ENOX1: variants seen among roughly 807,000 people sequenced by gnomAD.
ENOX1 encodes candidate growth-related and time keeping constitutive hydroquinone (NADH) oxidase.
Under a neutral mutation model 82.5 loss-of-function variants are expected in ENOX1, and 42 were observed. That is an observed-to-expected ratio of 0.51 (90% CI 0.40 to 0.66). ENOX1 has a LOEUF of 0.66. Ranked by LOEUF, ENOX1 falls within the 30% of genes least tolerant of loss-of-function variation. ENOX1 has a pLI of 0.00. For missense variants in ENOX1, 608 were observed against 811.6 expected (o/e 0.75, Z 3.05); for synonymous variants, 271 against 282.2 (o/e 0.96, Z 0.40).
chr13:43,280,856 T>TTATAGTAGTATATATTTA (rs2045335532), intron 12 of ENOX1, among the ~76,000 whole-genome samples: 1 of 152,194 alleles, frequency 6.6e-6, no homozygotes, highest in African/African-American at 2.4e-5. Flanking sequence ...TTTAGGTGGC[T>TTATAGTAGTATATATTTA]CTGGAACAAG....
chr13:43,773,713 A>G (rs904255862), intron 1 of ENOX1, among the ~76,000 whole-genome samples: 1 of 152,228 alleles, frequency 6.6e-6, no homozygotes, highest in Non-Finnish European at 1.5e-5. Flanking sequence ...GTTTTTTCAA[A>G]GTACTTATCA....
chr13:43,688,611 T>A (rs984949706), intron 1 of ENOX1, among the ~76,000 whole-genome samples: 3 of 152,178 alleles, frequency 2.0e-5, no homozygotes, highest in Non-Finnish European at 4.4e-5. Flanking sequence ...AAACAGGCCA[T>A]AGGCCAAATT....
At chr13:43,683,297 G>A (rs1178909456) in intron 1 of ENOX1, among the ~76,000 whole-genome samples, 1 of 152,096 alleles carries the variant, frequency 6.6e-6, no homozygotes, top group Non-Finnish European at 1.5e-5. Context: ...GACAAGAGAG[G>A]TAGGGGTTGG....
chr13:43,406,694 C>T (rs905931362), intron 5 of ENOX1, among the ~76,000 whole-genome samples: 1 of 151,930 alleles, frequency 6.6e-6, no homozygotes, highest in Non-Finnish European at 1.5e-5. Flanking sequence ...GGGGTTTCAC[C>T]GTGTTAGCCA....
At chr13:43,401,625 G>A (rs995315249) in intron 5 of ENOX1, among the ~76,000 whole-genome samples, 4 of 152,178 alleles carry the variant, frequency 2.6e-5, no homozygotes, top group Non-Finnish European at 5.9e-5. Flanking sequence ...TTGATTAGGA[G>A]AGACGGAGAG....
chr13:43,471,250 A>G (rs1299334399), intron 3 of ENOX1, among the ~76,000 whole-genome samples: 1 of 152,242 alleles, frequency 6.6e-6, no homozygotes, highest in East Asian at 1.9e-4. Context: ...CATTTATATA[A>G]AGCCCTGAAA....
intron 2 of ENOX1, among the ~76,000 whole-genome samples, chr13:43,655,642 T>G (rs2084395494): frequency 6.6e-6 from 1 of 152,184 alleles, no homozygotes; most frequent in Non-Finnish European, 1.5e-5. Flanking sequence ...GAATTAAATT[T>G]CAACCCCAGT....
intron 1 of ENOX1, among the ~76,000 whole-genome samples, chr13:43,784,678 T>C (rs1952467139): frequency 1.3e-5 from 2 of 152,228 alleles, no homozygotes; most frequent in African/African-American, 4.8e-5. Flanking sequence ...TATGGGTCCC[T>C]GGGGAACAAC....
At chr13:43,571,209 T>C (rs564122651) in intron 2 of ENOX1, among the ~76,000 whole-genome samples, 4 of 152,224 alleles carry the variant, frequency 2.6e-5, no homozygotes, top group Non-Finnish European at 5.9e-5. Flanking sequence ...TCAGTTTACA[T>C]AGAAGGGAGT....
chr13:43,240,462 C>T (rs1470911448), intron 14 of ENOX1, among the ~76,000 whole-genome samples: 1 of 151,958 alleles, frequency 6.6e-6, no homozygotes, highest in East Asian at 1.9e-4. Context: ...GGTTTGGAGG[C>T]AAATGAAACT....
At chr13:43,344,453 C>G in intron 9 of ENOX1, 85 bp downstream of exon 9, 1 of 1,111,978 alleles carries the variant, frequency 9.0e-7, no homozygotes, top group East Asian at 2.4e-5. Context: ...TATTGAACTA[C>G]TTACCCCCAA....
chr13:43,750,767 C>A (rs1461029830), intron 1 of ENOX1, among the ~76,000 whole-genome samples: 3 of 152,090 alleles, frequency 2.0e-5, no homozygotes, highest in Non-Finnish European at 2.9e-5. Flanking sequence ...ATGTTCCATG[C>A]GATCAAATTT....
intron 12 of ENOX1, among the ~76,000 whole-genome samples, chr13:43,275,985 A>C (rs1298444440): frequency 6.6e-6 from 1 of 152,196 alleles, no homozygotes; most frequent in Non-Finnish European, 1.5e-5. Flanking sequence ...ATTGGAAATG[A>C]GCCACTGAAT....
intron 12 of ENOX1, among the ~76,000 whole-genome samples, chr13:43,277,128 C>T (rs1324669163): frequency 6.6e-6 from 1 of 152,188 alleles, no homozygotes; most frequent in Admixed American, 6.5e-5. Context: ...GTGTTCACAG[C>T]CTAATATGCT....
At chr13:43,640,578 C>A in intron 2 of ENOX1, among the ~76,000 whole-genome samples, 1 of 152,148 alleles carries the variant, frequency 6.6e-6, no homozygotes, top group South Asian at 2.1e-4. Flanking sequence ...AAAGTAGTTA[C>A]TTGAGTAATA....
intron 7 of ENOX1, chr13:43,359,593 A>G (rs1398369693): frequency 2.3e-5 from 11 of 483,004 alleles, no homozygotes; most frequent in African/African-American, 2.1e-4. Flanking sequence ...TTCTCATCTA[A>G]TAAGCACTTG....
intron 5 of ENOX1, among the ~76,000 whole-genome samples, chr13:43,388,012 T>A: frequency 6.6e-6 from 1 of 152,160 alleles, no homozygotes. Context: ...AAGCTCAGTA[T>A]GTCAATGAAA....
chr13:43,463,803 C>A (rs1471751740), intron 3 of ENOX1, among the ~76,000 whole-genome samples: 1 of 152,136 alleles, frequency 6.6e-6, no homozygotes, highest in Non-Finnish European at 1.5e-5. Flanking sequence ...TTTGTATTTT[C>A]ATGACAACTA....
intron 3 of ENOX1, among the ~76,000 whole-genome samples, chr13:43,483,350 T>C (rs1022497492): frequency 6.6e-6 from 1 of 152,242 alleles, no homozygotes; most frequent in Non-Finnish European, 1.5e-5. Flanking sequence ...CTTGGTACTA[T>C]CTCAATAGCA....
Sources: gnomAD v4.1 joint callset for allele counts (sites outside exome capture counted in the v4.1 genomes callset) on GRCh38, gnomAD v4.1.1 for gene constraint, MANE v1.5 for transcripts, NCBI Gene and HGNC (gene_info 2026-07-23, HGNC 2026-07-21) for gene names.